KMT2C: variants seen among roughly 807,000 people sequenced by gnomAD.
KMT2C encodes the protein histone-lysine N-methyltransferase 2C.
Under a neutral mutation model 507.9 loss-of-function variants are expected in KMT2C, and 88 were observed. That is an observed-to-expected ratio of 0.17 (90% confidence interval 0.15 to 0.21). The LOEUF (loss-of-function observed/expected upper bound fraction) is 0.21. Among genes scored for constraint, KMT2C ranks in the 10% least tolerant of loss-of-function variants. The pLI is 1.00. For missense variants in KMT2C, 4,954 were observed against 5,957.8 expected (o/e 0.83, Z 5.55); for synonymous variants, 2,049 against 2,080.8 (o/e 0.98, Z 0.42).
At chr7:152,427,079 G>A (rs941107202) in intron 1 of KMT2C, among the ~76,000 whole-genome samples, 2 of 151,960 alleles carry the variant, frequency 1.3e-5, no homozygotes, top group Non-Finnish European at 2.9e-5. Context: ...GCAATGGCAC[G>A]ATTTCAGCTC....
intron 52 of KMT2C, among the ~76,000 whole-genome samples, chr7:152,147,812 A>C (rs557641192): frequency 6.6e-6 from 1 of 152,118 alleles, no homozygotes; most frequent in Non-Finnish European, 1.5e-5. Context: ...TACCTCACCA[A>C]CTCGTATGTT....
intron 26 of KMT2C, among the ~76,000 whole-genome samples, chr7:152,201,617 G>GAAAAAAAAAAAAAAAAA (rs745427209): frequency 8.7e-5 from 2 of 22,874 alleles, no homozygotes; most frequent in Admixed American, 5.3e-4. Flanking sequence ...CAACAAAGAT[G>GAAAAAAAAAAAAAAAAA]AAAAAAAAAA....
At chr7:152,377,625 C>T (rs2097339213) in intron 1 of KMT2C, among the ~76,000 whole-genome samples, 4 of 151,200 alleles carry the variant, frequency 2.6e-5, no homozygotes, top group Admixed American at 1.3e-4. Flanking sequence ...GTCCCAGATA[C>T]TCGGGGGAGC....
At position 152,189,703 on chromosome 7, in the gene KMT2C, C is replaced by T. The variant is rs559466478; in HGVS notation, c.4661-1856G>A. On this transcript the variant is annotated intron_variant, in intron 31 of 58. Transcript: ENST00000262189. ...CCTAGAACTCTCTGACTTTCACAAA[C>T]GGGCTTACCCTACTAAATGCCACAG... 1.1e-4 allele frequency among the ~76,000 whole-genome samples: 16 copies of T among 152,286 alleles called. No individual in the cohort carries two copies. The South Asian group carries it at 2.3e-3, about 22-fold the overall frequency.
intron 1 of KMT2C, among the ~76,000 whole-genome samples, chr7:152,419,272 A>G (rs1439104038): frequency 1.3e-5 from 2 of 151,864 alleles, no homozygotes; most frequent in Non-Finnish European, 2.9e-5. Context: ...AATCACTTGA[A>G]CTCGGGAGGC....
intron 1 of KMT2C, among the ~76,000 whole-genome samples, chr7:152,408,161 G>A (rs1463968056): frequency 6.6e-6 from 1 of 152,286 alleles, no homozygotes; most frequent in East Asian, 1.9e-4. Context: ...GGTGACGTGT[G>A]CCTGTAATCC....
chr7:152,263,853 A>G (rs2095819715), intron 8 of KMT2C, among the ~76,000 whole-genome samples: 1 of 152,132 alleles, frequency 6.6e-6, no homozygotes, highest in Non-Finnish European at 1.5e-5. Context: ...TTTGACTATA[A>G]TCACTTTCAG....
chr7:152,381,596 T>G (rs1456303496), intron 1 of KMT2C, among the ~76,000 whole-genome samples: 2 of 152,300 alleles, frequency 1.3e-5, no homozygotes, highest in African/African-American at 2.4e-5. Context: ...AATAGAGGCT[T>G]TAAAATATCT....
intron 18 of KMT2C, among the ~76,000 whole-genome samples, chr7:152,226,218 C>CATTTTTTTTTTTTTTTT (rs1563479395): frequency 7.8e-6 from 1 of 128,026 alleles, no homozygotes; most frequent in African/African-American, 3.2e-5. Context: ...CATTACAAGG[C>CATTTTTTTTTTTTTTTT]CTTTTTTTTT....
rs1010725944 is a variant in KMT2C, at chr7:152,177,949, G to C, written c.7504C>G (p.Pro2502Ala). 5.0e-6 allele frequency: 8 copies of C among 1,595,862 alleles called. No individual in the cohort carries two copies. Among genetic ancestry groups the C allele is most frequent in the Non-Finnish European group, 6.8e-6 (8 of 1,176,814 alleles). ...MPSQERFLVPPQQIQGSGVSP... is the reference protein window; with the variant it reads ...MPSQERFLVPAQQIQGSGVSP... The stretch of plus-strand genomic sequence containing the variant: ...ACTCCAGATCCCTGTATTTGCTGAG[G>C]AGGCACAAGGAAGCGCTCTTGACTC... Residue 2502 changes from proline (P) to alanine (A), a missense_variant, in exon 38 of 59, where the codon CCT becomes GCT. Transcript: ENST00000262189.
intron 6 of KMT2C, among the ~76,000 whole-genome samples, chr7:152,298,155 T>G (rs553960120): frequency 2.6e-5 from 4 of 151,916 alleles, no homozygotes; most frequent in African/African-American, 9.7e-5. Flanking sequence ...CAGTGAGCAG[T>G]CAGGCAACTT....
intron 9 of KMT2C, among the ~76,000 whole-genome samples, chr7:152,256,304 A>G (rs2095661121): frequency 6.6e-6 from 1 of 152,192 alleles, no homozygotes; most frequent in African/African-American, 2.4e-5. Flanking sequence ...ATCTAACTCC[A>G]TAAGAAAGAA....
intron 11 of KMT2C, among the ~76,000 whole-genome samples, chr7:152,251,654 A>C (rs1248144231): frequency 1.3e-5 from 2 of 152,192 alleles, no homozygotes; most frequent in Non-Finnish European, 2.9e-5. Context: ...GCAAACCCAA[A>C]GACTGGGGAA....
At chr7:152,204,842 T>A (rs892672107) in intron 25 of KMT2C, among the ~76,000 whole-genome samples, 204 of 152,038 alleles carry the variant, frequency 1.3e-3, no homozygotes, top group Non-Finnish European at 5.0e-4. Flanking sequence ...AAAAAAGAGC[T>A]TGTCAAAAAA....
rs7798398 is a variant in KMT2C at position 152,324,130 on chromosome 7, C to T, written c.389+6471G>A. The stretch of plus-strand genomic sequence containing the variant: ...TGAGATATACTACATAGTAGGGTGA[C>T]CTATATTTTAAAATAACAATTTGGT... On this transcript the variant is annotated intron_variant, in intron 3 of 58. Transcript: ENST00000262189. Among the ~76,000 whole-genome samples, 1,508 of 151,270 alleles carry T rather than the reference C, an allele frequency of 1.0e-2. 38 individuals are homozygous for T. The highest frequency in any genetic ancestry group is 0.035 in the African/African-American group (1,447 of 41,322).
At position 152,135,822 on chromosome 7, in the gene KMT2C, C is replaced by T. The variant is rs1200972248; in HGVS notation, c.*1010G>A. The T allele has an allele frequency of 1.3e-5, 3 of 230,856 alleles. No individual in the cohort carries two copies. The highest frequency in any genetic ancestry group is 1.2e-4 in the East Asian group (2 of 16,146). 14.3% of individuals were successfully genotyped at this position (230,856 alleles called of 1,614,324 possible). A position where few individuals can be genotyped will look rare whatever the true frequency, so the allele number is the denominator to read the frequency against. On this transcript the variant is annotated 3_prime_UTR_variant, in exon 59 of 59. Coordinates refer to ENST00000262189, the MANE Select transcript of KMT2C (RefSeq NM_170606.3). ...ATAAAAGTTGTAGTCGTAGCATACG[C>T]CCCGCTCTGTCAGAAGTAAGGTGTA...
rs776543450 is a variant in KMT2C, at chr7:152,199,416, C to G, written c.4136G>C (p.Ser1379Thr). The change falls in exon 27 of 59, where the codon AGC (serine) becomes ACC (threonine). Residue 1379 changes from serine (S) to threonine (T), a missense_variant. By Grantham distance (58) the Ser-to-Thr change is moderately conservative. Transcript: ENST00000262189. ...GKDLLDTSRQ[S>T]KISLDNLSED... ...TGACAGATTATCTAAACTTATCTTG[C>G]TTTGTCTACTTGTATCTAGAAGATC... is the stretch of plus-strand genomic sequence containing the variant. The G allele has an allele frequency of 4.7e-5, 75 of 1,589,210 alleles. No individual in the cohort carries two copies. Among genetic ancestry groups the G allele is most frequent in the Non-Finnish European group, 1.4e-5 (16 of 1,171,606 alleles).
intron 1 of KMT2C, among the ~76,000 whole-genome samples, chr7:152,391,142 C>CGAAA (rs1491228301): frequency 1.2e-4 from 4 of 34,768 alleles, no homozygotes; most frequent in Non-Finnish European, 2.0e-4. Context: ...AGACTGTCTC[C>CGAAA]AAAAAAAAAA....
At position 152,194,571 on chromosome 7, in the gene KMT2C, A is replaced by G. The variant is rs759215117; in HGVS notation, c.4379-3T>C. On this transcript the variant is annotated splice_region_variant and splice_polypyrimidine_tract_variant and intron_variant, in intron 28 of 58. Transcript: ENST00000262189. ...ATCATCAGTGACAGGACCAATATCTACAAGAGTAAGGAAAATAAATTTAAA... is the reference window on the plus strand; with the variant it reads ...ATCATCAGTGACAGGACCAATATCTGCAAGAGTAAGGAAAATAAATTTAAA... 6 of 1,610,958 alleles carry G rather than the reference A, an allele frequency of 3.7e-6. No individual in the cohort carries two copies. The highest frequency in any genetic ancestry group is 2.7e-5 in the African/African-American group (2 of 74,840).
Sources: gnomAD v4.1 joint callset for allele counts (sites outside exome capture counted in the v4.1 genomes callset) on GRCh38, gnomAD v4.1.1 for gene constraint, MANE v1.5 for transcripts, NCBI Gene and HGNC (gene_info 2026-07-23, HGNC 2026-07-21) for gene names.